Variants in KIAA1210 observed in about 807,000 individuals in gnomAD.
The protein encoded by KIAA1210 is KIAA1210, also known as acrosomal protein KIAA1210.
Under a neutral mutation model 78.9 loss-of-function variants are expected in KIAA1210, and 48 were observed. The ratio of observed to expected loss-of-function variants is 0.61; its 90% confidence interval spans 0.48 to 0.77. The LOEUF (loss-of-function observed/expected upper bound fraction) is 0.77, where lower values mean the gene tolerates loss of function less well. Among genes scored for constraint, KIAA1210 ranks in the 30% least tolerant of loss-of-function variants. The pLI, the probability that KIAA1210 is intolerant of heterozygous loss-of-function variation, is 0.00. For missense variants in KIAA1210, 1,108 were observed against 1,100.0 expected (o/e 1.01, Z -0.10); for synonymous variants, 406 against 404.5 (o/e 1.00, Z -0.04).
intron 2 of KIAA1210, among the ~76,000 whole-genome samples, chrX:119,138,211 GTTTTTTTTTTT>G (rs759946882): frequency 2.1e-5 from 1 of 47,831 alleles, no homozygotes; most frequent in East Asian, 7.7e-4. Context: ...TGGTTTGGTT[GTTTTTTTTTTT>G]TTTTTTTTTT....
At chrX:119,105,425 G>A (rs1397405295) in intron 5 of KIAA1210, among the ~76,000 whole-genome samples, 2 of 112,164 alleles carry the variant, frequency 1.8e-5, no homozygotes. Flanking sequence ...CAAATTGCTT[G>A]TTCGTGCAAG....
chrX:119,104,875 G>A, intron 6 of KIAA1210, 117 bp downstream of exon 6: 1 of 662,271 alleles, frequency 1.5e-6, no homozygotes, highest in Non-Finnish European at 2.2e-6. Context: ...AAGAATGTCA[G>A]GTCCTTCCCC....
chrX:119,143,517 T>C (rs923592275), intron 2 of KIAA1210, among the ~76,000 whole-genome samples: 4 of 112,226 alleles, frequency 3.6e-5, no homozygotes, highest in African/African-American at 1.3e-4. Flanking sequence ...GCCCTGTGCT[T>C]TTTATATTTC....
At position 119,146,473 on chromosome X, in the gene KIAA1210, G is replaced by A. The variant is rs370320163; in HGVS notation, c.410+1000C>T. On this transcript the variant is annotated intron_variant, in intron 2 of 13. Transcript: ENST00000402510. ...CAACAAGTGGAACATCCCTTAGAAT[G>A]CTGCTAAAGACCAAATGAAACCTGT... is the stretch of plus-strand genomic sequence containing the variant. Among the ~76,000 whole-genome samples, 154 of 112,273 alleles carry A rather than the reference G, an allele frequency of 1.4e-3. 2 individuals carry two copies. Among genetic ancestry groups the A allele is most frequent in the African/African-American group, 4.4e-3 (135 of 30,942 alleles).
chrX:119,098,126 T>C (rs1273408788), intron 6 of KIAA1210, among the ~76,000 whole-genome samples: 1 of 111,529 alleles, frequency 9.0e-6, no homozygotes, highest in Non-Finnish European at 1.9e-5. Context: ...GTCTTCCTTT[T>C]ATCCCTGACC....
chrX:119,123,492 T>A, intron 2 of KIAA1210, 90 bp downstream of exon 2: 1 of 664,203 alleles, frequency 1.5e-6, no homozygotes, highest in Non-Finnish European at 2.3e-6. Context: ...TGAACTTGTT[T>A]TCTTGTGCCT....
chrX:119,136,059 C>CA (rs201723724), intron 2 of KIAA1210, among the ~76,000 whole-genome samples: 38 of 53,196 alleles, frequency 7.1e-4, no homozygotes, highest in East Asian at 1.6e-3. Flanking sequence ...CTAAAACAAA[C>CA]AAACAAAAAA....
At chrX:119,123,993 CTTGTTTT>C (rs1309430126) in intron 1 of KIAA1210, among the ~76,000 whole-genome samples, 14 of 110,608 alleles carry the variant, frequency 1.3e-4, no homozygotes, top group East Asian at 2.8e-4. Context: ...TTTTTGTTTG[CTTGTTTT>C]TTGTTTTTTG....
Position 119,087,486 on chromosome X carries a change from C to T in KIAA1210, c.3216G>A (p.Lys1072=), listed in dbSNP as rs1295036142. 8.3e-7 allele frequency: 1 copy of T among 1,208,408 alleles called. No homozygotes were observed. The highest frequency in any genetic ancestry group is 1.8e-5 in the African/African-American group (1 of 57,057). ...GTAGCATCTTTGAAGAAATGCCTCCCTTAGGATTAGCACTCCCTGAATCTG... is the reference window on the plus strand; with the variant it reads ...GTAGCATCTTTGAAGAAATGCCTCCTTTAGGATTAGCACTCCCTGAATCTG... ...VFSDSGSANP[K]GGISSKMLPM... Residue 1072 remains lysine, a synonymous_variant, in exon 9 of 12, where the codon AAG becomes AAA. Transcript: ENST00000691062.
chrX:119,087,182 C>T lies in KIAA1210; in HGVS notation c.3520G>A (p.Gly1174Ser). ...SKFQPQMSSKGPVNVPVKQSS... is the reference protein window; with the variant it reads ...SKFQPQMSSKSPVNVPVKQSS... ...TGCTTTACAGGTACATTCACTGGGC[C>T]CTTTGATGACATCTGTGGCTGGAAT... Residue 1174 changes from glycine (G) to serine (S), a missense_variant, in exon 9 of 12, where the codon GGC (glycine) becomes AGC (serine). Coordinates refer to ENST00000691062, the MANE Select transcript of KIAA1210 (RefSeq NM_001394962.1). 1 of 1,211,496 alleles carries T rather than the reference C, an allele frequency of 8.3e-7. No individual in the cohort carries two copies. Among genetic ancestry groups the T allele is most frequent in the Non-Finnish European group, 1.1e-6 (1 of 895,392 alleles).
At chrX:119,123,751 C>T in intron 1 of KIAA1210, 99 bp from the exon 2 acceptor site, 1 of 498,553 alleles carries the variant, frequency 2.0e-6, no homozygotes. Flanking sequence ...CAGTTATATT[C>T]TTAAAATAGC....
chrX:119,100,967 G>A (rs1056207705), intron 6 of KIAA1210, among the ~76,000 whole-genome samples: 1 of 112,031 alleles, frequency 8.9e-6, no homozygotes, highest in Non-Finnish European at 1.9e-5. Flanking sequence ...AGATGTGCCC[G>A]GCCTGGTACC....
intron 2 of KIAA1210, among the ~76,000 whole-genome samples, chrX:119,140,875 G>A (rs1331575476): frequency 8.9e-6 from 1 of 112,500 alleles, no homozygotes; most frequent in African/African-American, 3.2e-5. Context: ...AGGAGTTCAA[G>A]GCCAGCCTGG....
chrX:119,126,386 T>C (rs1928647651), intron 1 of KIAA1210, among the ~76,000 whole-genome samples: 1 of 112,261 alleles, frequency 8.9e-6, no homozygotes, highest in African/African-American at 3.2e-5. Flanking sequence ...TGCCCTGTGG[T>C]TCCCCACAAT....
At chrX:119,086,165 G>A (rs1927124404) in intron 9 of KIAA1210, among the ~76,000 whole-genome samples, 1 of 112,054 alleles carries the variant, frequency 8.9e-6, no homozygotes, top group Non-Finnish European at 1.9e-5. Flanking sequence ...CGAATGAGTT[G>A]GCTTTAAAAA....
chrX:119,101,262 G>T (rs960685634), intron 6 of KIAA1210, among the ~76,000 whole-genome samples: 2 of 112,109 alleles, frequency 1.8e-5, no homozygotes, highest in Non-Finnish European at 3.8e-5. Context: ...TTTGAGCAGG[G>T]ATAGAGAGAA....
chrX:119,138,312 G>A (rs756577135), intron 2 of KIAA1210, among the ~76,000 whole-genome samples: 2 of 93,740 alleles, frequency 2.1e-5, no homozygotes, highest in Admixed American at 2.7e-4. Context: ...TCCGCCTCCC[G>A]GGTTCAAGCA....
Position 119,089,278 on chromosome X carries a change from G to A in KIAA1210, c.1424C>T (p.Pro475Leu). Residue 475 changes from proline (P) to leucine (L), a missense_variant, in exon 9 of 12, where the codon CCA becomes CTA. Transcript: ENST00000691062. ...TCCAGAAGCTGCATCTTCATGGTAT[G>A]GTTGTGGATCACTAACCATGGAATT... Reference protein sequence around the residue: ...MDNSMVSDPQPYHEDAASGAE... With the variant: ...MDNSMVSDPQLYHEDAASGAE... 8.3e-7 allele frequency: 1 copy of A among 1,211,501 alleles called. No individual in the cohort carries two copies. Among genetic ancestry groups the A allele is most frequent in the South Asian group, 1.8e-5 (1 of 56,937 alleles).
chrX:119,134,052 T>C (rs1928856619), intron 2 of KIAA1210, among the ~76,000 whole-genome samples: 1 of 111,335 alleles, frequency 9.0e-6, no homozygotes, highest in Non-Finnish European at 1.9e-5. Context: ...TCTACTCTGC[T>C]ATGGAACATT....
Sources: allele counts gnomAD v4.1 joint callset (sites outside exome capture counted in the v4.1 genomes callset), GRCh38; gene constraint gnomAD v4.1.1; transcripts MANE v1.5; gene names NCBI Gene and HGNC (gene_info 2026-07-23, HGNC 2026-07-21).